CCDC73: variants seen among roughly 807,000 people sequenced by gnomAD.
CCDC73 encodes the protein coiled-coil domain containing 73.
A neutral mutation model predicts 116.5 loss-of-function variants in CCDC73; 95 were observed. The ratio of observed to expected loss-of-function variants is 0.82; its 90% CI spans 0.69 to 0.97. The LOEUF is 0.97. Ranked by LOEUF, CCDC73 falls within the 50% of genes least tolerant of loss-of-function variation. The probability of loss-of-function intolerance (pLI) is 0.00; values close to 1 mark genes in which losing one functional copy is unlikely to be tolerated. For synonymous variants in CCDC73, 398 were observed against 401.3 expected (o/e 0.99, Z 0.10); for missense variants, 1,066 against 1,206.8 (o/e 0.88, Z 1.73).
At chr11:32,801,859 A>G in the CCDC73 span, among the ~76,000 whole-genome samples, 1 of 152,204 alleles carries the variant, frequency 6.6e-6, no homozygotes, top group Non-Finnish European at 1.5e-5. Flanking sequence ...TCTCAGCTGG[A>G]AATACAAATT....
At chr11:32,732,012 A>C (rs1020092624) in intron 2 of CCDC73, among the ~76,000 whole-genome samples, 2 of 152,168 alleles carry the variant, frequency 1.3e-5, no homozygotes, top group Non-Finnish European at 2.9e-5. Context: ...AGAAGCTAAA[A>C]ACCTTGAAAA....
At chr11:32,733,251 G>T (rs1850096281) in intron 2 of CCDC73, among the ~76,000 whole-genome samples, 2 of 152,144 alleles carry the variant, frequency 1.3e-5, no homozygotes, top group African/African-American at 4.8e-5. Flanking sequence ...TAATTCAGGA[G>T]CACCCAGTTT....
At chr11:32,720,783 G>C (rs772071207) in intron 2 of CCDC73, among the ~76,000 whole-genome samples, 5 of 152,106 alleles carry the variant, frequency 3.3e-5, no homozygotes, top group Non-Finnish European at 7.4e-5. Context: ...AATCAAGAGA[G>C]TAATTATCTC....
At chr11:32,635,182 C>CT (rs1274080844) in intron 14 of CCDC73, among the ~76,000 whole-genome samples, 4 of 13,414 alleles carry the variant, frequency 3.0e-4, no homozygotes, top group Non-Finnish European at 8.9e-4. Context: ...CCAAATAAAA[C>CT]CCACAGACTT....
At chr11:32,809,495 C>T in the CCDC73 span, among the ~76,000 whole-genome samples, 1 of 152,218 alleles carries the variant, frequency 6.6e-6, no homozygotes, top group African/African-American at 2.4e-5. Flanking sequence ...ATTCTTTCTG[C>T]ATCTGTGTCA....
rs764026033 is a variant in CCDC73, at chr11:32,700,778, A to C, written c.315+13T>G. ...TTTTAATAGACAGAAAATTTTAAAA[A>C]AATTATAAATACCTTTTCTTCTTCC... On this transcript the variant is annotated intron_variant, in intron 5 of 17. Coordinates refer to ENST00000335185, the MANE Select transcript of CCDC73 (RefSeq NM_001008391.4). The C allele has an allele frequency of 7.4e-7, 1 of 1,348,576 alleles. No homozygotes were observed. The highest frequency in any genetic ancestry group is 1.0e-6 in the Non-Finnish European group (1 of 991,160). 83.5% of individuals were successfully genotyped at this position (1,348,576 alleles called of 1,614,324 possible). A position where few individuals can be genotyped will look rare whatever the true frequency, so the allele number is the denominator to read the frequency against.
chr11:32,667,067 G>C (rs916209149), intron 9 of CCDC73, among the ~76,000 whole-genome samples: 1 of 152,212 alleles, frequency 6.6e-6, no homozygotes, highest in Non-Finnish European at 1.5e-5. Context: ...GTGTCAGTCT[G>C]CCCCTACTGG....
At chr11:32,734,397 G>C (rs1406600214) in intron 2 of CCDC73, among the ~76,000 whole-genome samples, 1 of 151,124 alleles carries the variant, frequency 6.6e-6, no homozygotes, top group Non-Finnish European at 1.5e-5. Flanking sequence ...TAGAAAAAGA[G>C]GGAATCCTCC....
intron 2 of CCDC73, among the ~76,000 whole-genome samples, chr11:32,736,316 A>G (rs1850128606): frequency 6.6e-6 from 1 of 152,224 alleles, no homozygotes; most frequent in Non-Finnish European, 1.5e-5. Context: ...ATTTACAAGA[A>G]AAAAACAAAC....
chr11:32,631,555 A>G (rs1855630266), intron 14 of CCDC73, among the ~76,000 whole-genome samples: 1 of 151,560 alleles, frequency 6.6e-6, no homozygotes, highest in Non-Finnish European at 1.5e-5. Flanking sequence ...AGCCTGGGCA[A>G]CATGGTGAAA....
At chr11:32,667,929 G>A (rs1453379671) in intron 9 of CCDC73, among the ~76,000 whole-genome samples, 1 of 152,154 alleles carries the variant, frequency 6.6e-6, no homozygotes, top group Non-Finnish European at 1.5e-5. Context: ...TAAGATCAGA[G>A]GTTCTACAGA....
the CCDC73 span, among the ~76,000 whole-genome samples, chr11:32,829,135 C>T: frequency 6.6e-6 from 1 of 152,160 alleles, no homozygotes; most frequent in Non-Finnish European, 1.5e-5. Flanking sequence ...AAATTAAGTT[C>T]ACAAGTACTG....
chr11:32,798,385 C>A (rs989298300), upstream of CCDC73, among the ~76,000 whole-genome samples: 4 of 152,194 alleles, frequency 2.6e-5, no homozygotes, highest in East Asian at 7.7e-4. Context: ...CCTCAACCTC[C>A]TGGGCCCCAG....
intron 3 of CCDC73, among the ~76,000 whole-genome samples, chr11:32,715,986 C>T (rs1417398560): frequency 6.6e-6 from 1 of 152,004 alleles, no homozygotes; most frequent in Non-Finnish European, 1.5e-5. Flanking sequence ...AAAAGATCTG[C>T]CTAAATCTGC....
At chr11:32,604,458 G>T (rs1261931501) in intron 17 of CCDC73, 1 of 152,110 alleles carries the variant, frequency 6.6e-6, no homozygotes, top group African/African-American at 2.4e-5. Context: ...TATGAAACAG[G>T]ATAAGAATTA....
rs1159283175 is a variant in CCDC73 at position 32,699,238 on chromosome 11, T to C, written c.390+13A>G. 6.4e-7 allele frequency: 1 copy of C among 1,571,978 alleles called. No individual in the cohort carries two copies. Among genetic ancestry groups the C allele is most frequent in the Non-Finnish European group, 8.7e-7 (1 of 1,155,308 alleles). On this transcript the variant is annotated intron_variant, in intron 6 of 17. Transcript: ENST00000335185. ...ACCAAACTACTTTTTAAACAATACG[T>C]AGTTATTTTTACCTGTAGTGCTTTT... is the stretch of plus-strand genomic sequence containing the variant.
chr11:32,626,089 T>A (rs1565059779), intron 14 of CCDC73, among the ~76,000 whole-genome samples: 2 of 151,302 alleles, frequency 1.3e-5, no homozygotes, highest in South Asian at 2.1e-4. Context: ...CCCCATCGTC[T>A]CAGCCCAAAA....
Position 32,608,401 on chromosome 11 carries a change from AGGCCCTGTG to A in CCDC73, c.3030+2722_3030+2730del, listed in dbSNP as rs574196713. Reference sequence around the variant, plus strand: ...AAATTGGCCAAAACAAAGGGTCTACAGGCCCTGTGAAAGTCCAAAATCCAGCATGGCTGC... The same window carrying A: ...AAATTGGCCAAAACAAAGGGTCTACAAAAGTCCAAAATCCAGCATGGCTGC... On this transcript the variant is annotated intron_variant, in intron 17 of 17. Coordinates refer to ENST00000335185, the MANE Select transcript of CCDC73 (RefSeq NM_001008391.4). Among the ~76,000 whole-genome samples the A allele has an allele frequency of 1.3e-3, 195 of 152,322 alleles. 5 individuals carry two copies. Among genetic ancestry groups the A allele is most frequent in the Admixed American group, 0.012 (188 of 15,298 alleles).
At chr11:32,652,041 A>G (rs932760577) in intron 12 of CCDC73, among the ~76,000 whole-genome samples, 17 of 152,230 alleles carry the variant, frequency 1.1e-4, no homozygotes, top group African/African-American at 3.6e-4. Flanking sequence ...AATACACTTC[A>G]AGCTCCATTA....
Sources: allele counts gnomAD v4.1 joint callset (sites outside exome capture counted in the v4.1 genomes callset), GRCh38; gene constraint gnomAD v4.1.1; transcripts MANE v1.5; gene names NCBI Gene and HGNC (gene_info 2026-07-23, HGNC 2026-07-21).